Variants in NBPF9 observed in about 807,000 individuals in gnomAD.
NBPF9 encodes the protein NBPF member 9.
In NBPF9, 91 loss-of-function variants were observed where a neutral mutation model predicts 97.8. That is an observed-to-expected ratio of 0.93 (90% CI 0.79 to 1.11). NBPF9 has a LOEUF of 1.11. Among genes scored for constraint, NBPF9 ranks in the 50% least tolerant of loss-of-function variants. NBPF9 has a pLI of 0.00. For synonymous variants in NBPF9, 334 were observed against 359.5 expected, an observed-to-expected ratio of 0.93 and a Z score of 0.80; for missense variants, 992 against 939.5, an observed-to-expected ratio of 1.06 and a Z score of -0.73.
exon 30 of NBPF9, chr1:149,055,324 C>T: frequency 1.2e-5 from 6 of 481,898 alleles, no homozygotes; most frequent in Non-Finnish European, 1.8e-5. Context: ...TGACCTTGAG[C>T]AGGTATAGAA....
chr1:149,072,640 G>A, intron 14 of NBPF9, 78 bp downstream of exon 14: 1 of 1,521,580 alleles, frequency 6.6e-7, no homozygotes, highest in South Asian at 1.1e-5. Context: ...TGATACAACT[G>A]TCATTGTGAA....
At chr1:149,073,900 T>G (rs1267562880) in intron 12 of NBPF9, 30 bp from the exon 13 acceptor site, 2 of 1,375,868 alleles carry the variant, frequency 1.5e-6, no homozygotes, top group Admixed American at 3.4e-5. Flanking sequence ...CCTGCCTCAG[T>G]GGAAGGCTGG....
exon 20 of NBPF9, chr1:149,063,775 C>A (rs781812949): frequency 3.4e-5 from 21 of 615,992 alleles, no homozygotes; most frequent in South Asian, 1.4e-4. Context: ...AGACTTCAGG[C>A]CCTTTCTCAT....
At chr1:149,059,483 C>T in intron 25 of NBPF9, 1 of 397,426 alleles carries the variant, frequency 2.5e-6, no homozygotes, top group African/African-American at 2.8e-5. Context: ...GAAAGTACAG[C>T]TTTTGAAGTA....
intron 6 of NBPF9, 22 bp from the exon 7 acceptor site, chr1:149,082,196 A>G (rs1319380786): frequency 6.2e-7 from 1 of 1,601,436 alleles, no homozygotes; most frequent in Non-Finnish European, 8.5e-7. Context: ...AAACCCAAAC[A>G]TATGATGGGT....
At chr1:149,079,726 G>T (rs1190659021) in intron 8 of NBPF9, among the ~76,000 whole-genome samples, 306 of 151,620 alleles carry the variant, frequency 2.0e-3, no homozygotes, top group Non-Finnish European at 2.8e-3. Flanking sequence ...TCTCACTAAG[G>T]GTAAGTGGGG....
intron 5 of NBPF9, among the ~76,000 whole-genome samples, chr1:149,084,277 T>TTA (rs1385819626): frequency 6.8e-6 from 1 of 146,958 alleles, no homozygotes; most frequent in East Asian, 2.0e-4. Flanking sequence ...TGTATATATA[T>TTA]TATATATACA....
chr1:149,093,781 G>C, intron 4 of NBPF9, among the ~76,000 whole-genome samples: 1 of 123,852 alleles, frequency 8.1e-6, no homozygotes, highest in African/African-American at 3.2e-5. Flanking sequence ...GAACAAAATG[G>C]AGTCTCTTAT....
chr1:149,055,470 G>A (rs587708102), exon 30 of NBPF9: 32 of 1,133,534 alleles, frequency 2.8e-5, no homozygotes, highest in Admixed American at 1.0e-4. Context: ...CACACCTAAC[G>A]TGGGTCCATT....
intron 4 of NBPF9, among the ~76,000 whole-genome samples, chr1:149,097,798 C>T (rs1238509941): frequency 2.0e-5 from 3 of 152,136 alleles, no homozygotes; most frequent in Admixed American, 6.5e-5. Flanking sequence ...TGAAAGAAGG[C>T]GTCCACCACA....
intron 5 of NBPF9, chr1:149,090,515 A>G (rs2081347138): frequency 2.5e-6 from 1 of 394,682 alleles, no homozygotes; most frequent in African/African-American, 2.1e-5. Context: ...AATATTTTGC[A>G]ATAAAACCTT....
intron 4 of NBPF9, among the ~76,000 whole-genome samples, chr1:149,097,586 T>A (rs1553662117): frequency 6.6e-6 from 1 of 152,142 alleles, no homozygotes; most frequent in Non-Finnish European, 1.5e-5. Context: ...TGGACTTCCC[T>A]CCTTGCACTG....
rs587613630 is a variant in NBPF9 at position 149,062,073 on chromosome 1, C to T, written c.2251+20G>A. Reference sequence around the variant, plus strand: ...GGAAGACCAGGTGGAGGCTTATCACCTTCATAGTAAGGTACTCACTGTCCA... The same window carrying T: ...GGAAGACCAGGTGGAGGCTTATCACTTTCATAGTAAGGTACTCACTGTCCA... On this transcript the variant is annotated intron_variant, in intron 22 of 29. Transcript: ENST00000584027. 2.4e-5 allele frequency: 24 copies of T among 993,716 alleles called. 1 individual carries two copies. The highest frequency in any genetic ancestry group is 1.0e-4 in the South Asian group (8 of 77,272). 61.6% of individuals were successfully genotyped at this position (993,716 alleles called of 1,614,324 possible). A position where few individuals can be genotyped will look rare whatever the true frequency, so the allele number is the denominator to read the frequency against.
At chr1:149,064,836 C>T in intron 18 of NBPF9, 4 of 545,604 alleles carry the variant, frequency 7.3e-6, no homozygotes, top group Admixed American at 3.2e-5. Context: ...ATCAAATACC[C>T]AGAATTTGAT....
chr1:149,076,449 G>A (rs1363432529), intron 11 of NBPF9, among the ~76,000 whole-genome samples: 13 of 150,620 alleles, frequency 8.6e-5, no homozygotes, highest in African/African-American at 2.9e-4. Flanking sequence ...CGCCCACCTC[G>A]GCCTCCCAAA....
At position 149,063,618 on chromosome 1, in the gene NBPF9, T is replaced by C; in HGVS notation, c.2026+15A>G. 1 of 607,038 alleles carries C rather than the reference T, an allele frequency of 1.6e-6. No homozygotes were observed. Among genetic ancestry groups the C allele is most frequent in the African/African-American group, 2.1e-5 (1 of 47,756 alleles). 37.6% of individuals were successfully genotyped at this position (607,038 alleles called of 1,614,324 possible). A position where few individuals can be genotyped will look rare whatever the true frequency, so the allele number is the denominator to read the frequency against. ...ACTCAGTGGATCCTTATCACCTTCA[T>C]AGAAAGGTACTCACCATCCATGTCA... On this transcript the variant is annotated intron_variant, in intron 20 of 29. Transcript: ENST00000584027.
At chr1:149,081,273 C>T (rs878929508) in intron 7 of NBPF9, among the ~76,000 whole-genome samples, 49 of 152,152 alleles carry the variant, frequency 3.2e-4, no homozygotes, top group East Asian at 1.7e-3. Context: ...TTGCCCTCCA[C>T]GACGCCCATC....
chr1:149,100,975 A>G (rs1380072751), intron 3 of NBPF9, among the ~76,000 whole-genome samples: 4 of 151,968 alleles, frequency 2.6e-5, no homozygotes, highest in Admixed American at 6.6e-5. Context: ...TAAAATTGCT[A>G]TAAGGTTAAC....
At chr1:149,055,556 A>T (rs2078150107) in exon 30 of NBPF9, 2 of 1,564,678 alleles carry the variant, frequency 1.3e-6, no homozygotes, top group East Asian at 4.5e-5. Flanking sequence ...GACCCATCCT[A>T]TGTCTGGGCT....
Sources: gnomAD v4.1 joint callset for allele counts (sites outside exome capture counted in the v4.1 genomes callset) on GRCh38, gnomAD v4.1.1 for gene constraint, MANE v1.5 for transcripts, NCBI Gene and HGNC (gene_info 2026-07-23, HGNC 2026-07-21) for gene names.